The following SORCS3 variants were observed in gnomAD, a reference collection of about 807,000 sequenced individuals.
SORCS3 encodes the protein VPS10 domain-containing receptor SorCS3.
A neutral mutation model predicts 146.3 loss-of-function variants in SORCS3; 57 were observed. The ratio of observed to expected loss-of-function variants is 0.39; its 90% CI spans 0.31 to 0.49. The LOEUF (loss-of-function observed/expected upper bound fraction) is 0.49. Among genes scored for constraint, SORCS3 ranks in the 20% least tolerant of loss-of-function variants. The probability of loss-of-function intolerance (pLI) is 0.92; values close to 1 mark genes in which losing one functional copy is unlikely to be tolerated. For synonymous variants in SORCS3, 653 were observed against 618.5 expected (o/e 1.06, Z -0.83); for missense variants, 1,341 against 1,575.5 (o/e 0.85, Z 2.52).
At chr10:104,886,432 T>C (rs1283761149) in intron 2 of SORCS3, among the ~76,000 whole-genome samples, 1 of 152,158 alleles carries the variant, frequency 6.6e-6, no homozygotes, top group African/African-American at 2.4e-5. Flanking sequence ...CATATATGTT[T>C]ATGTGTGTTC....
chr10:105,205,455 G>A (rs749208404), intron 16 of SORCS3, among the ~76,000 whole-genome samples: 3 of 152,068 alleles, frequency 2.0e-5, no homozygotes, highest in Non-Finnish European at 2.9e-5. Flanking sequence ...AGCCTCAAGC[G>A]AACCCTAGAG....
At chr10:105,162,082 G>A (rs765400363) in intron 11 of SORCS3, among the ~76,000 whole-genome samples, 61 of 152,328 alleles carry the variant, frequency 4.0e-4, no homozygotes, top group Non-Finnish European at 7.6e-4. Context: ...TGTATGGGCA[G>A]CAACTCCCTC....
intron 2 of SORCS3, among the ~76,000 whole-genome samples, chr10:104,843,709 G>T (rs1012864704): frequency 2.6e-5 from 4 of 152,200 alleles, no homozygotes; most frequent in Admixed American, 2.0e-4. Flanking sequence ...ACACACTTAC[G>T]CCTATACCTC....
intron 20 of SORCS3, among the ~76,000 whole-genome samples, chr10:105,241,231 G>GC (rs2056821155): frequency 1.3e-5 from 2 of 152,246 alleles, no homozygotes; most frequent in African/African-American, 4.8e-5. Context: ...CCTCTACCTG[G>GC]CCCACCATGC....
At chr10:105,076,160 G>T (rs1245012129) in intron 5 of SORCS3, among the ~76,000 whole-genome samples, 1 of 152,128 alleles carries the variant, frequency 6.6e-6, no homozygotes, top group African/African-American at 2.4e-5. Flanking sequence ...ATATCAATTT[G>T]AAGGTTCAGA....
intron 7 of SORCS3, among the ~76,000 whole-genome samples, chr10:105,129,918 G>A (rs2056005852): frequency 6.6e-6 from 1 of 152,054 alleles, no homozygotes; most frequent in Non-Finnish European, 1.5e-5. Flanking sequence ...CTGGGATCAG[G>A]TGGCACACAT....
At chr10:104,997,729 T>C (rs546449217) in intron 4 of SORCS3, among the ~76,000 whole-genome samples, 8 of 152,328 alleles carry the variant, frequency 5.3e-5, no homozygotes, top group African/African-American at 1.9e-4. Flanking sequence ...TGTGTGTATC[T>C]TAGCTCTGTA....
chr10:105,247,212 C>A lies in SORCS3; in HGVS notation c.2993-7C>A, dbSNP rs372160865. 1.3e-6 allele frequency: 2 copies of A among 1,521,740 alleles called. No individual in the cohort carries two copies. 94.3% of individuals were successfully genotyped at this position (1,521,740 alleles called of 1,614,324 possible). A position where few individuals can be genotyped will look rare whatever the true frequency, so the allele number is the denominator to read the frequency against. ...CAGCCTCACTTAAACATTCTCTCTCCCTGCAGAATATTTCCAGTCCCAGCT... is the reference window on the plus strand; with the variant it reads ...CAGCCTCACTTAAACATTCTCTCTCACTGCAGAATATTTCCAGTCCCAGCT... On this transcript the variant is annotated splice_polypyrimidine_tract_variant and splice_region_variant and intron_variant, in intron 21 of 26. Coordinates refer to ENST00000369701, the MANE Select transcript of SORCS3 (RefSeq NM_014978.3).
chr10:104,658,927 A>G (rs993641550), intron 1 of SORCS3, among the ~76,000 whole-genome samples: 2 of 151,570 alleles, frequency 1.3e-5, no homozygotes, highest in Non-Finnish European at 2.9e-5. Context: ...TCACATGAAT[A>G]TCTGCCAGCT....
At chr10:104,652,786 C>G (rs1411342703) in intron 1 of SORCS3, among the ~76,000 whole-genome samples, 3 of 152,178 alleles carry the variant, frequency 2.0e-5, no homozygotes, top group Non-Finnish European at 4.4e-5. Flanking sequence ...CTCTGCCTTA[C>G]TCTTTTCAGA....
In SORCS3 at chr10:104,940,228, ATATATATATATTTTTTTT is replaced by A. The variant is rs1416081423; in HGVS notation, c.795+24298_795+24315del. Among the ~76,000 whole-genome samples the A allele has an allele frequency of 3.2e-3, 110 of 34,212 alleles. 1 individual carries two copies. Among genetic ancestry groups the A allele is most frequent in the African/African-American group, 4.0e-3 (30 of 7,466 alleles). The allele number at this position is 34,212 out of a possible 152,430, so 22.4% of individuals were successfully genotyped here. ...TTTATATATATATATATATATATAT[ATATATATATATTTTTTTT>A]TTTTTTTTTATTATACTTTAAGTTC... On this transcript the variant is annotated intron_variant, in intron 3 of 26. Transcript: ENST00000369701.
chr10:104,826,730 A>C (rs2491387), intron 1 of SORCS3, among the ~76,000 whole-genome samples: 9,549 of 152,246 alleles, frequency 0.063, 348 homozygotes, highest in African/African-American at 0.082. Flanking sequence ...TGAGACCACA[A>C]TGAAGTTTGC....
chr10:105,188,629 A>G (rs2056493770), intron 14 of SORCS3, among the ~76,000 whole-genome samples: 1 of 152,238 alleles, frequency 6.6e-6, no homozygotes, highest in Admixed American at 6.5e-5. Context: ...GCTTCTGCTG[A>G]AACAGTTCTC....
At chr10:104,815,555 C>T (rs1264365781) in intron 1 of SORCS3, among the ~76,000 whole-genome samples, 6 of 151,452 alleles carry the variant, frequency 4.0e-5, no homozygotes, top group Non-Finnish European at 8.8e-5. Flanking sequence ...TACAAATTCA[C>T]CACACTCCTA....
intron 2 of SORCS3, among the ~76,000 whole-genome samples, chr10:104,851,564 C>T (rs2018274509): frequency 6.6e-6 from 1 of 152,170 alleles, no homozygotes; most frequent in East Asian, 1.9e-4. Flanking sequence ...TAGGTGGATG[C>T]ATTTCCTTGC....
At chr10:105,133,652 T>C (rs974273769) in intron 7 of SORCS3, among the ~76,000 whole-genome samples, 2 of 152,244 alleles carry the variant, frequency 1.3e-5, no homozygotes, top group South Asian at 2.1e-4. Flanking sequence ...TTTCAAAATA[T>C]AGCACCAGAC....
chr10:104,770,471 G>C (rs747824628), intron 1 of SORCS3, among the ~76,000 whole-genome samples: 2 of 152,070 alleles, frequency 1.3e-5, no homozygotes, highest in Admixed American at 6.6e-5. Flanking sequence ...AGCACTGCTT[G>C]ATAGAAGTAC....
intron 2 of SORCS3, among the ~76,000 whole-genome samples, chr10:104,891,805 C>A (rs1301545266): frequency 6.6e-6 from 1 of 152,132 alleles, no homozygotes; most frequent in Non-Finnish European, 1.5e-5. Flanking sequence ...AGATTAGTGG[C>A]AGAGCTAGCA....
intron 1 of SORCS3, among the ~76,000 whole-genome samples, chr10:104,642,889 A>C (rs1251554195): frequency 6.6e-6 from 1 of 152,136 alleles, no homozygotes; most frequent in African/African-American, 2.4e-5. Flanking sequence ...GGCATTCCGA[A>C]CTGGGCGCCC....
Sources: gnomAD v4.1 joint callset for allele counts (sites outside exome capture counted in the v4.1 genomes callset) on GRCh38, gnomAD v4.1.1 for gene constraint, MANE v1.5 for transcripts, NCBI Gene and HGNC (gene_info 2026-07-23, HGNC 2026-07-21) for gene names.